Variants in EYS observed in about 807,000 individuals in gnomAD.
The protein encoded by EYS is EGF-like photoreceptor maintenance factor, also known as protein eyes shut homolog.
A neutral mutation model predicts 282.1 loss-of-function variants in EYS; 250 were observed. That is an observed-to-expected ratio of 0.89 (90% CI 0.80 to 0.98). The LOEUF (loss-of-function observed/expected upper bound fraction) is 0.98, where lower values mean the gene tolerates loss of function less well. EYS is among the 50% of genes least tolerant of loss of function. The pLI is 0.00. For missense variants in EYS, 4,016 were observed against 3,709.0 expected, an observed-to-expected ratio of 1.08 and a Z score of -2.15; for synonymous variants, 1,355 against 1,282.9, an observed-to-expected ratio of 1.06 and a Z score of -1.20.
intron 33 of EYS, among the ~76,000 whole-genome samples, chr6:64,008,545 G>C (rs1768457963): frequency 6.6e-6 from 1 of 152,032 alleles, no homozygotes; most frequent in African/African-American, 2.4e-5. Context: ...TGATTGTGTG[G>C]TTGCTTTATG....
At chr6:65,639,437 G>GAGATGCATTTAATAATGGATTATTT (rs1767204463) in intron 2 of EYS, among the ~76,000 whole-genome samples, 2 of 151,868 alleles carry the variant, frequency 1.3e-5, no homozygotes, top group Admixed American at 6.6e-5. Flanking sequence ...GAAAGAGAAA[G>GAGATGCATTTAATAATGGATTATTT]AGATGCATTT....
At chr6:64,636,852 C>T (rs1377403122) in intron 22 of EYS, among the ~76,000 whole-genome samples, 5 of 141,190 alleles carry the variant, frequency 3.5e-5, no homozygotes, top group African/African-American at 1.3e-4. Context: ...CTCATCATCA[C>T]TGGCCATCAG....
chr6:65,109,513 C>A (rs942677879), intron 12 of EYS, among the ~76,000 whole-genome samples: 3 of 152,020 alleles, frequency 2.0e-5, no homozygotes, highest in African/African-American at 7.2e-5. Context: ...TGAGTCTTTT[C>A]TGCACGTGTG....
At chr6:64,388,971 C>A in intron 28 of EYS, 131 bp from the exon 29 acceptor site, 1 of 605,200 alleles carries the variant, frequency 1.7e-6, no homozygotes, top group African/African-American at 1.9e-5. Context: ...AAGCCAGAAG[C>A]AGATTAATCT....
At chr6:64,655,906 G>A (rs955922720) in intron 22 of EYS, among the ~76,000 whole-genome samples, 4 of 151,992 alleles carry the variant, frequency 2.6e-5, no homozygotes, top group African/African-American at 9.7e-5. Flanking sequence ...TGTTTTATGA[G>A]TTAACACCTA....
chr6:64,667,211 T>C (rs987625164), intron 22 of EYS, among the ~76,000 whole-genome samples: 8 of 149,342 alleles, frequency 5.4e-5, no homozygotes, highest in Non-Finnish European at 4.4e-5. Flanking sequence ...ATAAAATATA[T>C]TATTTCCTCT....
intron 33 of EYS, among the ~76,000 whole-genome samples, chr6:64,030,086 A>G (rs1189618816): frequency 6.6e-6 from 1 of 152,100 alleles, no homozygotes; most frequent in Non-Finnish European, 1.5e-5. Context: ...AGCAAGAAGG[A>G]AAGAGGGAAA....
chr6:65,190,170 G>A (rs889645727), intron 12 of EYS, among the ~76,000 whole-genome samples: 6 of 150,506 alleles, frequency 4.0e-5, no homozygotes, highest in East Asian at 2.0e-4. Flanking sequence ...ACTTTCGTGG[G>A]CCTATTTTCT....
chr6:65,166,419 A>G (rs34859585), intron 12 of EYS, among the ~76,000 whole-genome samples: 2 of 151,220 alleles, frequency 1.3e-5, no homozygotes, highest in Non-Finnish European at 3.0e-5. Flanking sequence ...GAATCCAGTT[A>G]TATTTCCTCA....
intron 33 of EYS, among the ~76,000 whole-genome samples, chr6:64,025,589 T>G (rs1582155858): frequency 6.6e-6 from 1 of 152,282 alleles, no homozygotes; most frequent in East Asian, 1.9e-4. Flanking sequence ...GTTACCTTCT[T>G]TAGGCACCTG....
chr6:65,665,304 G>A (rs1286310914), intron 1 of EYS, among the ~76,000 whole-genome samples: 3 of 152,110 alleles, frequency 2.0e-5, no homozygotes, highest in Non-Finnish European at 2.9e-5. Flanking sequence ...ATTGCACCAG[G>A]AAGTATACTT....
At chr6:65,494,062 T>G (rs73447214) in intron 4 of EYS, among the ~76,000 whole-genome samples, 18 of 152,214 alleles carry the variant, frequency 1.2e-4, no homozygotes, top group African/African-American at 4.3e-4. Context: ...ATCTTATGTT[T>G]TAATGTATGA....
At chr6:65,126,664 A>G (rs960841263) in intron 12 of EYS, among the ~76,000 whole-genome samples, 3 of 152,216 alleles carry the variant, frequency 2.0e-5, no homozygotes, top group African/African-American at 7.2e-5. Flanking sequence ...TTATGCAGTC[A>G]GCTAAGTATA....
intron 29 of EYS, among the ~76,000 whole-genome samples, chr6:64,323,983 G>A (rs914629523): frequency 6.6e-6 from 1 of 152,072 alleles, no homozygotes. Context: ...ATTTTCTGGG[G>A]GAAGTTTACA....
chr6:65,051,084 G>A (rs570733236), intron 13 of EYS, among the ~76,000 whole-genome samples: 46 of 151,566 alleles, frequency 3.0e-4, no homozygotes, highest in Non-Finnish European at 5.6e-4. Flanking sequence ...TTGTCTATAC[G>A]TAGCTTTAGC....
At position 64,122,707 on chromosome 6, in the gene EYS, C is replaced by G. The variant is rs549855090; in HGVS notation, c.6425-40705G>C. Among the ~76,000 whole-genome samples the G allele has an allele frequency of 3.3e-5, 5 of 152,090 alleles. No individual in the cohort carries two copies. In the South Asian group the frequency reaches 8.3e-4, roughly 25 times the overall value. ...TTTTAAAGAATTTGAGAACTTGTACCTTATCACTGCTAAACAAACAAATAA... is the reference window on the plus strand; with the variant it reads ...TTTTAAAGAATTTGAGAACTTGTACGTTATCACTGCTAAACAAACAAATAA... On this transcript the variant is annotated intron_variant, in intron 31 of 42. Coordinates refer to ENST00000503581, the MANE Select transcript of EYS (RefSeq NM_001142800.2).
chr6:65,042,026 C>T (rs1327435712), intron 13 of EYS, among the ~76,000 whole-genome samples: 1 of 151,556 alleles, frequency 6.6e-6, no homozygotes, highest in African/African-American at 2.4e-5. Context: ...CAAATAAAAA[C>T]CTATTATTAT....
intron 29 of EYS, among the ~76,000 whole-genome samples, chr6:64,387,101 A>G (rs937345089): frequency 1.3e-5 from 2 of 151,802 alleles, no homozygotes; most frequent in Admixed American, 6.6e-5. Flanking sequence ...TTCATATCAA[A>G]CCCCATGTCT....
At chr6:64,371,894 G>A (rs924551502) in intron 29 of EYS, among the ~76,000 whole-genome samples, 1 of 151,836 alleles carries the variant, frequency 6.6e-6, no homozygotes, top group African/African-American at 2.4e-5. Context: ...TTTTATTTCA[G>A]CCTATGGGTG....
Sources: allele counts gnomAD v4.1 joint callset (sites outside exome capture counted in the v4.1 genomes callset), GRCh38; gene constraint gnomAD v4.1.1; transcripts MANE v1.5; gene names NCBI Gene and HGNC (gene_info 2026-07-23, HGNC 2026-07-21).